The following CCDC25 variants were observed in gnomAD, a reference collection of about 807,000 sequenced individuals.
The protein encoded by CCDC25 is coiled-coil domain-containing protein 25.
CCDC25 carries 16 observed loss-of-function variants against 35.3 expected under a neutral mutation model. That is an observed-to-expected ratio of 0.45 (90% confidence interval 0.31 to 0.69). CCDC25 has a LOEUF of 0.69. Among genes scored for constraint, CCDC25 ranks in the 30% least tolerant of loss-of-function variants. CCDC25 has a pLI of 0.06. For missense variants in CCDC25, 179 were observed against 250.7 expected, an observed-to-expected ratio of 0.71 and a Z score of 1.93; for synonymous variants, 79 against 80.3, an observed-to-expected ratio of 0.98 and a Z score of 0.09.
At chr8:27,748,331 CA>C (rs1563447685) in intron 6 of CCDC25, 52 bp from the exon 7 acceptor site, 1 of 1,542,156 alleles carries the variant, frequency 6.5e-7, no homozygotes. Flanking sequence ...TTTTTTCTCC[CA>C]GAAGAGGGAT....
At chr8:27,759,799 A>AAAAAAAAAAAAAAAAT (rs71222513) in intron 3 of CCDC25, among the ~76,000 whole-genome samples, 1 of 143,220 alleles carries the variant, frequency 7.0e-6, no homozygotes, top group Non-Finnish European at 1.5e-5. Flanking sequence ...AAAAAAAAAA[A>AAAAAAAAAAAAAAAAT]GATGAATTTA....
chr8:27,754,941 T>C (rs1047600353), intron 4 of CCDC25, among the ~76,000 whole-genome samples: 3 of 152,180 alleles, frequency 2.0e-5, no homozygotes, highest in Admixed American at 6.5e-5. Context: ...TACACATACA[T>C]GTATCTCCTT....
At chr8:27,736,886 G>C (rs995683590) in intron 8 of CCDC25, among the ~76,000 whole-genome samples, 1 of 152,212 alleles carries the variant, frequency 6.6e-6, no homozygotes, top group East Asian at 1.9e-4. Context: ...CACACACAAA[G>C]GTAGAGCCCT....
At chr8:27,762,328 A>G in intron 3 of CCDC25, 91 bp downstream of exon 3, 5 of 1,114,008 alleles carry the variant, frequency 4.5e-6, no homozygotes, top group Middle Eastern at 2.0e-4. Context: ...CATAAACCAC[A>G]GTACAAAGCA....
intron 7 of CCDC25, among the ~76,000 whole-genome samples, chr8:27,741,700 A>C (rs1803445740): frequency 1.3e-5 from 2 of 152,158 alleles, no homozygotes; most frequent in East Asian, 1.9e-4. Context: ...CAACAAATAC[A>C]CCAAGAGACA....
chr8:27,766,559 C>G (rs1001568631), intron 1 of CCDC25, among the ~76,000 whole-genome samples: 1 of 152,146 alleles, frequency 6.6e-6, no homozygotes, highest in Non-Finnish European at 1.5e-5. Flanking sequence ...GTACCTTGAT[C>G]AGGCCTTAGT....
intron 4 of CCDC25, among the ~76,000 whole-genome samples, chr8:27,755,432 G>A (rs1435715559): frequency 6.6e-6 from 1 of 152,178 alleles, no homozygotes; most frequent in Non-Finnish European, 1.5e-5. Context: ...GCAAATAAAT[G>A]ACTGAATAAA....
intron 7 of CCDC25, among the ~76,000 whole-genome samples, chr8:27,746,574 C>A (rs1398781518): frequency 6.6e-6 from 1 of 151,976 alleles, no homozygotes; most frequent in African/African-American, 2.4e-5. Flanking sequence ...AAACTCAAAA[C>A]AAAAAAGAAT....
chr8:27,734,333 T>C lies in CCDC25; in HGVS notation c.*1883A>G, dbSNP rs1004504391. On this transcript the variant is annotated 3_prime_UTR_variant, in exon 9 of 9. Transcript: ENST00000356537. ...GAAACTGAAGACGACATTGGCAAAG[T>C]GACTCAGACCCACAGCACAGATTTG... is the stretch of plus-strand genomic sequence containing the variant. 3.3e-5 allele frequency: 5 copies of C among 152,132 alleles called. No homozygotes were observed. Among genetic ancestry groups the C allele is most frequent in the Non-Finnish European group, 1.5e-5 (1 of 68,034 alleles). The allele number at this position is 152,132 out of a possible 1,614,324, so 9.4% of individuals were successfully genotyped here.
At position 27,762,488 on chromosome 8, in the gene CCDC25, C is replaced by CAAAAACTGTCAA. The variant is rs776352909; in HGVS notation, c.77-42_77-31dup. On this transcript the variant is annotated intron_variant, in intron 2 of 8. Coordinates refer to ENST00000356537, the MANE Select transcript of CCDC25 (RefSeq NM_018246.3). The stretch of plus-strand genomic sequence containing the variant: ...AATGAGATATGAGAAACGAAAGAAA[C>CAAAAACTGTCAA]AAAAACTGTCAAATGAAGATATGCC... The CAAAAACTGTCAA allele has an allele frequency of 1.7e-5, 28 of 1,601,046 alleles. 1 individual carries two copies. In the South Asian group the frequency reaches 2.6e-4, roughly 15 times the overall value.
At chr8:27,757,191 C>G (rs1024804218) in intron 3 of CCDC25, among the ~76,000 whole-genome samples, 6 of 152,152 alleles carry the variant, frequency 3.9e-5, no homozygotes, top group Non-Finnish European at 8.8e-5. Flanking sequence ...AAGAAGTCAG[C>G]AAGTCTCCAA....
intron 5 of CCDC25, among the ~76,000 whole-genome samples, chr8:27,751,010 C>T (rs1230054304): frequency 4.6e-5 from 7 of 152,232 alleles, no homozygotes; most frequent in Admixed American, 4.6e-4. Flanking sequence ...GAGCAAGACC[C>T]TTGGGCATAG....
rs918504225 is a variant in CCDC25, at chr8:27,765,120, T to C, written c.76+84A>G. On this transcript the variant is annotated intron_variant, in intron 2 of 8. Coordinates refer to ENST00000356537, the MANE Select transcript of CCDC25 (RefSeq NM_018246.3). The stretch of plus-strand genomic sequence containing the variant: ...AGGTGAAAACTCAGAACCAACAAAC[T>C]GGGTGGGGGGCATGGAAGGTGGTGA... The C allele has an allele frequency of 3.1e-6, 4 of 1,285,948 alleles. No homozygotes were observed. In the South Asian group the frequency reaches 5.5e-5, roughly 18 times the overall value. 79.7% of individuals were successfully genotyped at this position (1,285,948 alleles called of 1,614,324 possible).
chr8:27,738,063 T>TG (rs1803301763), intron 8 of CCDC25, among the ~76,000 whole-genome samples: 1 of 151,850 alleles, frequency 6.6e-6, no homozygotes, highest in Non-Finnish European at 1.5e-5. Context: ...AGCTAAGCTA[T>TG]GAGGATGCAA....
At chr8:27,738,214 G>C (rs1340014526) in intron 8 of CCDC25, among the ~76,000 whole-genome samples, 1 of 151,938 alleles carries the variant, frequency 6.6e-6, no homozygotes, top group Non-Finnish European at 1.5e-5. Flanking sequence ...TACCTCTAAA[G>C]AACTTACTCA....
intron 6 of CCDC25, 61 bp from the exon 7 acceptor site, chr8:27,748,340 G>A (rs1396177387): frequency 6.7e-7 from 1 of 1,497,770 alleles, no homozygotes; most frequent in African/African-American, 1.4e-5. Context: ...CCAGAAGAGG[G>A]ATGAGGCTTT....
At chr8:27,765,181 AT>A in intron 2 of CCDC25, 22 bp downstream of exon 2, 1 of 1,498,708 alleles carries the variant, frequency 6.7e-7, no homozygotes, top group South Asian at 1.2e-5. Context: ...AAATTTCAAA[AT>A]CAAATGCTTT....
In CCDC25 at chr8:27,765,269, TA is replaced by T; in HGVS notation, c.29-19del. 2 of 1,443,262 alleles carry T rather than the reference TA, an allele frequency of 1.4e-6. No individual in the cohort carries two copies. The highest frequency in any genetic ancestry group is 1.9e-6 in the Non-Finnish European group (2 of 1,069,984). 89.4% of individuals were successfully genotyped at this position (1,443,262 alleles called of 1,614,324 possible). A position where few individuals can be genotyped will look rare whatever the true frequency, so the allele number is the denominator to read the frequency against. On this transcript the variant is annotated intron_variant, in intron 1 of 8. Coordinates refer to ENST00000356537, the MANE Select transcript of CCDC25 (RefSeq NM_018246.3). The stretch of plus-strand genomic sequence containing the variant: ...TGAATTAACTAAGATAAAACAAAAA[TA>T]AAAAACAATTAGTAACTTCATCACC...
chr8:27,763,149 A>T (rs1384170582), intron 2 of CCDC25, among the ~76,000 whole-genome samples: 1 of 152,208 alleles, frequency 6.6e-6, no homozygotes, highest in Non-Finnish European at 1.5e-5. Context: ...TAATTCTCTT[A>T]TATGAATAAA....
Sources: gnomAD v4.1 joint callset for allele counts (sites outside exome capture counted in the v4.1 genomes callset) on GRCh38, gnomAD v4.1.1 for gene constraint, MANE v1.5 for transcripts, NCBI Gene and HGNC (gene_info 2026-07-23, HGNC 2026-07-21) for gene names.